The following SLC22A9 variants were observed in gnomAD, a reference collection of about 807,000 sequenced individuals.
SLC22A9 encodes solute carrier family 22 member 9, also known as organic anion transporter 7.
A neutral mutation model predicts 50.1 loss-of-function variants in SLC22A9; 64 were observed. The observed-to-expected ratio is 1.28, with a 90% confidence interval of 1.04 to 1.57. The LOEUF (loss-of-function observed/expected upper bound fraction) is 1.57, where lower values mean the gene tolerates loss of function less well. Among genes scored for constraint, SLC22A9 ranks in the 40% most tolerant of loss-of-function variants. The pLI is 0.00. For synonymous variants in SLC22A9, 261 were observed against 242.5 expected (o/e 1.08, Z -0.71); for missense variants, 757 against 676.1 (o/e 1.12, Z -1.33).
At chr11:63,373,430 G>C (rs566677540) in intron 2 of SLC22A9, among the ~76,000 whole-genome samples, 1 of 152,128 alleles carries the variant, frequency 6.6e-6, no homozygotes, top group Admixed American at 6.6e-5. Context: ...ATACTGCTAA[G>C]AGATTGGAAA....
chr11:63,383,400 T>C (rs1333840574), intron 6 of SLC22A9, among the ~76,000 whole-genome samples: 1 of 152,062 alleles, frequency 6.6e-6, no homozygotes, highest in African/African-American at 2.4e-5. Flanking sequence ...GGCAGCCAGA[T>C]TACAAGATAT....
At position 63,370,256 on chromosome 11, in the gene SLC22A9, T is replaced by C; in HGVS notation, c.200T>C (p.Leu67Pro). 1.2e-6 allele frequency: 2 copies of C among 1,614,062 alleles called. No homozygotes were observed. The highest frequency in any genetic ancestry group is 1.7e-6 in the Non-Finnish European group (2 of 1,179,928). The change falls in exon 1 of 10, where the codon CTC (leucine) becomes CCC (proline). Residue 67 changes from leucine (L) to proline (P), a missense_variant. By Grantham distance (98) the Leu-to-Pro change is moderately conservative. Transcript: ENST00000279178. ...GTCTCTGACAATGACACTGGGGCCC[T>C]CAGCCAAGATGCACTCTTGAGAATC... ...DTVSDNDTGA[L>P]SQDALLRISI... is the part of the protein sequence containing the mutation.
At chr11:63,409,583 G>A (rs574520100) in intron 9 of SLC22A9, among the ~76,000 whole-genome samples, 181 of 152,238 alleles carry the variant, frequency 1.2e-3, no homozygotes, top group South Asian at 2.7e-3. Context: ...GTCCAAGGAT[G>A]ACAAGTAGAA....
At chr11:63,383,974 G>C (rs150612422) in intron 6 of SLC22A9, among the ~76,000 whole-genome samples, 1 of 151,958 alleles carries the variant, frequency 6.6e-6, no homozygotes, top group East Asian at 1.9e-4. Context: ...ACTTCAACCC[G>C]GGAGGTGGAG....
Position 63,370,061 on chromosome 11 carries a change from C to T in SLC22A9, c.5C>T (p.Ala2Val), listed in dbSNP as rs977521581. The part of the protein sequence containing the change: M[A>V]FQDLLGHAGD... ...AGGATCAACTGTTCAACCTCAATGG[C>T]CTTTCAGGACCTCCTGGGTCACGCT... The change falls in exon 1 of 10, where the codon GCC becomes GTC. Residue 2 changes from alanine (A) to valine (V), a missense_variant. By Grantham distance (64) the Ala-to-Val change is moderately conservative. Coordinates refer to ENST00000279178, the MANE Select transcript of SLC22A9 (RefSeq NM_080866.3). 1.2e-6 allele frequency: 2 copies of T among 1,609,424 alleles called. No individual in the cohort carries two copies. The highest frequency in any genetic ancestry group is 1.7e-6 in the Non-Finnish European group (2 of 1,177,562).
chr11:63,370,392 C>A lies in SLC22A9; in HGVS notation c.336C>A (p.Asp112Glu), dbSNP rs747507003. The A allele has an allele frequency of 6.2e-7, 1 of 1,613,340 alleles. No individual in the cohort carries two copies. The highest frequency in any genetic ancestry group is 8.5e-7 in the Non-Finnish European group (1 of 1,179,512). ...NGTFPNTSDA[D>E]MEPCVDGWVY... ...CCTTCCCCAACACAAGTGACGCAGA[C>A]ATGGAGCCCTGTGTGGATGGCTGGG... Residue 112 changes from aspartate (D) to glutamate (E), a missense_variant, in exon 1 of 10, where the codon GAC (aspartate) becomes GAA (glutamate). By Grantham distance (45) the Asp-to-Glu change is conservative. Transcript: ENST00000279178.
At position 63,375,756 on chromosome 11, in the gene SLC22A9, C is replaced by A. The variant is rs1449220455; in HGVS notation, c.942C>A (p.Thr314=). ...GTGGAATGAAGAATGCCAGAGACACCCTAACCCTGGAGGTGAGCTGGATGG... is the reference window on the plus strand; with the variant it reads ...GTGGAATGAAGAATGCCAGAGACACACTAACCCTGGAGGTGAGCTGGATGG... ...HRSGMKNARD[T]LTLEILKSTM... The change falls in exon 5 of 10, where the codon ACC becomes ACA. Residue 314 remains threonine, a synonymous_variant. Coordinates refer to ENST00000279178, the MANE Select transcript of SLC22A9 (RefSeq NM_080866.3). 8 of 1,611,726 alleles carry A rather than the reference C, an allele frequency of 5.0e-6. No homozygotes were observed. The highest frequency in any genetic ancestry group is 6.8e-6 in the Non-Finnish European group (8 of 1,178,590).
At chr11:63,404,590 G>A (rs2120013698) in intron 6 of SLC22A9, among the ~76,000 whole-genome samples, 1 of 152,252 alleles carries the variant, frequency 6.6e-6, no homozygotes, top group African/African-American at 2.4e-5. Flanking sequence ...TTCAGTACCA[G>A]AGTGGTTAAA....
chr11:63,405,442 C>G (rs530566347), intron 6 of SLC22A9, among the ~76,000 whole-genome samples: 4 of 152,182 alleles, frequency 2.6e-5, no homozygotes, highest in Non-Finnish European at 5.9e-5. Flanking sequence ...GGAATTCCCT[C>G]TAACAAGATA....
rs368420909 is a variant in SLC22A9 at position 63,406,569 on chromosome 11, G to A, written c.1146G>A (p.Leu382=). 19 of 1,613,770 alleles carry A rather than the reference G, an allele frequency of 1.2e-5. No homozygotes were observed. Among genetic ancestry groups the A allele is most frequent in the African/African-American group, 1.1e-4 (8 of 75,008 alleles). The stretch of plus-strand genomic sequence containing the variant: ...ATCTGGGGAACAATGTTTTCCTGTT[G>A]CAGACTCTCTTTGGTGCAGTCATCC... ...VQHLGNNVFL[L]QTLFGAVILL... is the part of the protein sequence containing the mutation. Residue 382 remains leucine (L), a synonymous_variant, in exon 7 of 10, where the codon TTG becomes TTA. Coordinates refer to ENST00000279178, the MANE Select transcript of SLC22A9 (RefSeq NM_080866.3).
In SLC22A9 at chr11:63,370,350, C is replaced by G. The variant is rs2014329923; in HGVS notation, c.294C>G (p.Leu98=). The G allele has an allele frequency of 1.2e-6, 2 of 1,613,988 alleles. No individual in the cohort carries two copies. The highest frequency in any genetic ancestry group is 1.7e-6 in the Non-Finnish European group (2 of 1,179,882). ...GCTTTGTTCATCCTCAGTGGCAGCT[C>G]CTTCACCTGAATGGGACCTTCCCCA... is the stretch of plus-strand genomic sequence containing the variant. ...CRRFVHPQWQ[L]LHLNGTFPNT... Residue 98 remains leucine (L), a synonymous_variant, in exon 1 of 10, where the codon CTC becomes CTG. Transcript: ENST00000279178.
rs1179875227 is a variant in SLC22A9 at position 63,382,246 on chromosome 11, T to C, written c.1042T>C (p.Cys348Arg). The change falls in exon 6 of 10, where the codon TGT becomes CGT. Residue 348 changes from cysteine (C) to arginine (R), a missense_variant. Physicochemically the swap from Cys to Arg is radical, Grantham distance 180 (BLOSUM62 -3). Coordinates refer to ENST00000279178, the MANE Select transcript of SLC22A9 (RefSeq NM_080866.3). ...TGAAATGCTCCACATGCCCAACATATGTAAAAGGATCTCCCTCCTGTCCTT... is the reference window on the plus strand; with the variant it reads ...TGAAATGCTCCACATGCCCAACATACGTAAAAGGATCTCCCTCCTGTCCTT... ...LCEMLHMPNI[C>R]KRISLLSFTR... 11 of 1,610,326 alleles carry C rather than the reference T, an allele frequency of 6.8e-6. No homozygotes were observed. Among genetic ancestry groups the C allele is most frequent in the African/African-American group, 2.7e-5 (2 of 74,636 alleles).
chr11:63,391,450 G>C (rs1293613088), intron 6 of SLC22A9, among the ~76,000 whole-genome samples: 1 of 151,936 alleles, frequency 6.6e-6, no homozygotes, highest in Non-Finnish European at 1.5e-5. Context: ...TAATTGTATT[G>C]GGGTATATCT....
At chr11:63,387,209 C>T (rs917036498) in intron 6 of SLC22A9, among the ~76,000 whole-genome samples, 9 of 152,008 alleles carry the variant, frequency 5.9e-5, no homozygotes, top group Non-Finnish European at 1.3e-4. Flanking sequence ...CTAAAGAAAT[C>T]CTTGCCCAGT....
chr11:63,396,996 T>C (rs1435181862), intron 6 of SLC22A9, among the ~76,000 whole-genome samples: 1 of 152,204 alleles, frequency 6.6e-6, no homozygotes, highest in East Asian at 1.9e-4. Flanking sequence ...AGTTTGTTTG[T>C]ACACATCTTT....
At chr11:63,374,935 A>G (rs1402586736) in intron 4 of SLC22A9, among the ~76,000 whole-genome samples, 4 of 152,186 alleles carry the variant, frequency 2.6e-5, no homozygotes, top group African/African-American at 4.8e-5. Context: ...TCAGCTTTGC[A>G]AATACTTATA....
intron 6 of SLC22A9, among the ~76,000 whole-genome samples, chr11:63,385,116 T>TG (rs1555014168): frequency 5.0e-5 from 7 of 139,824 alleles, no homozygotes; most frequent in Non-Finnish European, 9.7e-5. Flanking sequence ...GTTTTTTTTT[T>TG]TTTTTTTTTT....
At chr11:63,407,581 C>T (rs189234826) in intron 7 of SLC22A9, among the ~76,000 whole-genome samples, 7 of 152,150 alleles carry the variant, frequency 4.6e-5, no homozygotes, top group East Asian at 3.9e-4. Context: ...TTCCTCTTTT[C>T]GAGGTCCTTA....
chr11:63,391,569 T>C (rs2119952787), intron 6 of SLC22A9, among the ~76,000 whole-genome samples: 1 of 152,230 alleles, frequency 6.6e-6, no homozygotes, highest in East Asian at 1.9e-4. Flanking sequence ...AATTACCTTC[T>C]TTGTCTCTTT....
Sources: gnomAD v4.1 joint callset for allele counts (sites outside exome capture counted in the v4.1 genomes callset) on GRCh38, gnomAD v4.1.1 for gene constraint, MANE v1.5 for transcripts, NCBI Gene and HGNC (gene_info 2026-07-23, HGNC 2026-07-21) for gene names.